SEMA6D: variants seen among roughly 807,000 people sequenced by gnomAD.
SEMA6D encodes semaphorin-6D.
In SEMA6D, 35 loss-of-function variants were observed where a neutral mutation model predicts 106.6. That is an observed-to-expected ratio of 0.33 (90% CI 0.25 to 0.44). The LOEUF is 0.44. Ranked by LOEUF, SEMA6D falls within the 20% of genes least tolerant of loss-of-function variation. SEMA6D has a pLI of 1.00. For synonymous variants in SEMA6D, 499 were observed against 487.7 expected, an observed-to-expected ratio of 1.02 and a Z score of -0.31; for missense variants, 1,185 against 1,345.9, an observed-to-expected ratio of 0.88 and a Z score of 1.87.
At position 47,773,978 on chromosome 15, in the gene SEMA6D, T is replaced by A. The variant is rs182094901; in HGVS notation, c.*2193T>A. ...TTGAAATTTCTAACATTAAATCTAGTCTCTATCCTGTTAATTTAATTTTTA... is the reference window on the plus strand; with the variant it reads ...TTGAAATTTCTAACATTAAATCTAGACTCTATCCTGTTAATTTAATTTTTA... On this transcript the variant is annotated 3_prime_UTR_variant, in exon 19 of 19. Coordinates refer to ENST00000536845, the MANE Select transcript of SEMA6D (RefSeq NM_001358351.3). 21 of 152,786 alleles carry A rather than the reference T, an allele frequency of 1.4e-4. No individual in the cohort carries two copies. The highest frequency in any genetic ancestry group is 2.1e-4 in the Non-Finnish European group (14 of 68,034). 9.5% of individuals were successfully genotyped at this position (152,786 alleles called of 1,614,324 possible).
intron 1 of SEMA6D, among the ~76,000 whole-genome samples, chr15:47,207,470 T>A (rs1287437661): frequency 1.3e-5 from 2 of 152,178 alleles, no homozygotes; most frequent in African/African-American, 2.4e-5. Context: ...CCTTTTCCAA[T>A]AATACTGACC....
At chr15:47,252,950 A>AT (rs960603154) in intron 1 of SEMA6D, among the ~76,000 whole-genome samples, 8 of 149,414 alleles carry the variant, frequency 5.4e-5, no homozygotes, top group East Asian at 3.9e-4. Flanking sequence ...TCTATTTTTA[A>AT]TTTTTTTTTT....
At chr15:47,225,301 A>G (rs557069595) in intron 1 of SEMA6D, among the ~76,000 whole-genome samples, 17 of 152,100 alleles carry the variant, frequency 1.1e-4, no homozygotes, top group African/African-American at 3.6e-4. Context: ...GTTGCTCTAC[A>G]TTCTCACCAG....
chr15:47,257,214 C>T (rs915640630), intron 1 of SEMA6D, among the ~76,000 whole-genome samples: 22 of 151,884 alleles, frequency 1.4e-4, no homozygotes, highest in South Asian at 4.2e-4. Context: ...CCTGCCACCA[C>T]GCCCAGCTAA....
intron 1 of SEMA6D, among the ~76,000 whole-genome samples, chr15:47,367,720 ACACACAC>A (rs752435414): frequency 1.4e-4 from 17 of 117,370 alleles, no homozygotes; most frequent in South Asian, 2.3e-4. Flanking sequence ...ACACACACAC[ACACACAC>A]AGAGAGAGAG....
chr15:47,307,549 C>G (rs1401954028), intron 1 of SEMA6D, among the ~76,000 whole-genome samples: 1 of 152,120 alleles, frequency 6.6e-6, no homozygotes, highest in African/African-American at 2.4e-5. Context: ...AGGAAGCTCA[C>G]AGATGTACTA....
intron 3 of SEMA6D, among the ~76,000 whole-genome samples, chr15:47,496,958 A>ATGCACCACT (rs2043685125): frequency 1.3e-5 from 2 of 152,000 alleles, no homozygotes; most frequent in African/African-American, 4.8e-5. Context: ...GCAGTCCTTC[A>ATGCACCACT]ATGCACCACT....
intron 2 of SEMA6D, among the ~76,000 whole-genome samples, chr15:47,443,313 G>C (rs1030356967): frequency 6.6e-6 from 1 of 152,114 alleles, no homozygotes; most frequent in Non-Finnish European, 1.5e-5. Context: ...TTTGAGGCTA[G>C]GTTGTAAGAT....
At chr15:47,218,021 G>T (rs577086116) in intron 1 of SEMA6D, among the ~76,000 whole-genome samples, 27 of 152,058 alleles carry the variant, frequency 1.8e-4, no homozygotes, top group African/African-American at 6.3e-4. Flanking sequence ...CTTCTTGATT[G>T]GGTCACTGAC....
chr15:47,478,685 T>A (rs1210302397), intron 3 of SEMA6D, among the ~76,000 whole-genome samples: 1 of 152,198 alleles, frequency 6.6e-6, no homozygotes, highest in Non-Finnish European at 1.5e-5. Context: ...AAGGATTGAC[T>A]GCAGCAGATG....
At chr15:47,580,610 G>T (rs2076238840) in intron 3 of SEMA6D, among the ~76,000 whole-genome samples, 1 of 151,952 alleles carries the variant, frequency 6.6e-6, no homozygotes, top group Admixed American at 6.6e-5. Flanking sequence ...GCAAAGAGAA[G>T]TATGTCGAAA....
In SEMA6D at chr15:47,551,343, T is replaced by C. The variant is rs1321238993; in HGVS notation, c.-86-49522T>C. ...ATTTGGTTGGGGGCAGGTTGCAGAG[T>C]TGGGGGAAGGGATGGACTGAATGTA... On this transcript the variant is annotated intron_variant, in intron 3 of 19. Coordinates refer to the SEMA6D transcript ENST00000558014. Among the ~76,000 whole-genome samples, 3 of 151,852 alleles carry C rather than the reference T, an allele frequency of 2.0e-5. No individual in the cohort carries two copies. In the East Asian group the frequency reaches 5.8e-4, roughly 29 times the overall value.
intron 3 of SEMA6D, among the ~76,000 whole-genome samples, chr15:47,570,988 CTA>C (rs2046366806): frequency 1.3e-5 from 2 of 152,144 alleles, no homozygotes; most frequent in Non-Finnish European, 2.9e-5. Context: ...GTTTTAGACT[CTA>C]TGAATAGATC....
At chr15:47,280,153 G>C (rs914471231) in intron 1 of SEMA6D, among the ~76,000 whole-genome samples, 16 of 152,078 alleles carry the variant, frequency 1.1e-4, no homozygotes, top group Non-Finnish European at 2.2e-4. Context: ...AATCCATCTG[G>C]TCCTGGACTC....
intron 2 of SEMA6D, among the ~76,000 whole-genome samples, chr15:47,420,152 C>T (rs1423509277): frequency 6.6e-6 from 1 of 152,034 alleles, no homozygotes; most frequent in African/African-American, 2.4e-5. Context: ...TGGCCTTCAG[C>T]TTGGTGGTCT....
At chr15:47,709,305 C>T (rs1475912012) in intron 4 of SEMA6D, among the ~76,000 whole-genome samples, 1 of 152,132 alleles carries the variant, frequency 6.6e-6, no homozygotes, top group Admixed American at 6.5e-5. Context: ...AGTAAAGGCC[C>T]CAGAGTAACT....
At chr15:47,294,001 T>G (rs546655178) in intron 1 of SEMA6D, among the ~76,000 whole-genome samples, 3 of 152,274 alleles carry the variant, frequency 2.0e-5, no homozygotes, top group African/African-American at 7.2e-5. Context: ...GCCGGCCAAA[T>G]GCAGAGTGCA....
intron 4 of SEMA6D, among the ~76,000 whole-genome samples, chr15:47,707,295 ATGG>A (rs2078930923): frequency 6.6e-6 from 1 of 152,210 alleles, no homozygotes; most frequent in Non-Finnish European, 1.5e-5. Flanking sequence ...TGGAGTGGTA[ATGG>A]TTAAGTAAAT....
At chr15:47,744,464 T>C (rs563258357) in intron 1 of SEMA6D, among the ~76,000 whole-genome samples, 5 of 152,160 alleles carry the variant, frequency 3.3e-5, no homozygotes, top group Admixed American at 1.3e-4. Flanking sequence ...AAAAAAGATA[T>C]TGGACATGAT....
Sources: allele counts gnomAD v4.1 joint callset (sites outside exome capture counted in the v4.1 genomes callset), GRCh38; gene constraint gnomAD v4.1.1; transcripts MANE v1.5; gene names NCBI Gene and HGNC (gene_info 2026-07-23, HGNC 2026-07-21).